UBE3D: variants seen among roughly 807,000 people sequenced by gnomAD.
The protein encoded by UBE3D is ubiquitin protein ligase E3D, also known as E3 ubiquitin-protein ligase E3D.
UBE3D carries 48 observed loss-of-function variants against 49.6 expected under a neutral mutation model. The observed-to-expected ratio is 0.97, with a 90% confidence interval of 0.77 to 1.23. The LOEUF (loss-of-function observed/expected upper bound fraction) is 1.23. UBE3D is among the 50% of genes most tolerant of loss of function. UBE3D has a pLI of 0.00. For missense variants in UBE3D, 452 were observed against 468.4 expected, an observed-to-expected ratio of 0.96 and a Z score of 0.32; for synonymous variants, 189 against 174.2, an observed-to-expected ratio of 1.08 and a Z score of -0.67.
At chr6:82,965,105 A>C (rs915672222) in intron 8 of UBE3D, among the ~76,000 whole-genome samples, 1 of 152,204 alleles carries the variant, frequency 6.6e-6, no homozygotes, top group African/African-American at 2.4e-5. Flanking sequence ...TAAGTTTGTC[A>C]AGGTAAATCT....
At chr6:83,008,505 G>A (rs1780133871) in intron 8 of UBE3D, among the ~76,000 whole-genome samples, 1 of 152,182 alleles carries the variant, frequency 6.6e-6, no homozygotes, top group Non-Finnish European at 1.5e-5. Flanking sequence ...GGCAGGAGGG[G>A]AGGATGAAAA....
At chr6:82,976,151 G>A (rs190333799) in intron 8 of UBE3D, among the ~76,000 whole-genome samples, 1 of 152,270 alleles carries the variant, frequency 6.6e-6, no homozygotes, top group Admixed American at 6.5e-5. Flanking sequence ...GAAACAAACC[G>A]GGGAATGTGG....
At chr6:83,034,639 A>AGT (rs1782114909) in intron 5 of UBE3D, among the ~76,000 whole-genome samples, 1 of 152,098 alleles carries the variant, frequency 6.6e-6, no homozygotes, top group South Asian at 2.1e-4. Flanking sequence ...GAGGTTTAAA[A>AGT]GTGTGTGGCA....
At chr6:82,902,065 C>T (rs1771777622) in intron 9 of UBE3D, among the ~76,000 whole-genome samples, 1 of 152,146 alleles carries the variant, frequency 6.6e-6, no homozygotes, top group African/African-American at 2.4e-5. Context: ...TAAATCTAGT[C>T]ACTCCACATG....
intron 1 of UBE3D, among the ~76,000 whole-genome samples, chr6:83,060,136 G>A (rs937567699): frequency 6.6e-6 from 1 of 152,130 alleles, no homozygotes; most frequent in African/African-American, 2.4e-5. Flanking sequence ...CATCACTTTG[G>A]GGGTTAGGGC....
At chr6:82,935,963 G>A (rs901285918) in intron 9 of UBE3D, among the ~76,000 whole-genome samples, 14 of 151,924 alleles carry the variant, frequency 9.2e-5, no homozygotes, top group African/African-American at 3.4e-4. Context: ...ATTAGGTAAT[G>A]AACATGAAAA....
chr6:82,976,137 G>A (rs899324807), intron 8 of UBE3D, among the ~76,000 whole-genome samples: 1 of 152,308 alleles, frequency 6.6e-6, no homozygotes, highest in East Asian at 1.9e-4. Flanking sequence ...CTTAGCACTT[G>A]GCAGAAACAA....
At chr6:83,010,529 T>C (rs956997336) in intron 8 of UBE3D, among the ~76,000 whole-genome samples, 6 of 152,232 alleles carry the variant, frequency 3.9e-5, no homozygotes, top group African/African-American at 1.4e-4. Context: ...ATATTAACCA[T>C]CAGGCAAATG....
chr6:83,056,457 T>C (rs968668192), intron 2 of UBE3D, among the ~76,000 whole-genome samples: 24 of 152,168 alleles, frequency 1.6e-4, no homozygotes, highest in African/African-American at 5.8e-4. Context: ...TGCCCATTAT[T>C]AGGTGCAATC....
chr6:83,039,228 A>G (rs1017680424), intron 4 of UBE3D, among the ~76,000 whole-genome samples: 3 of 152,350 alleles, frequency 2.0e-5, no homozygotes, highest in East Asian at 1.9e-4. Flanking sequence ...GAAGCCATAT[A>G]CAGTGGGCAG....
At chr6:82,965,286 G>A (rs1776831933) in intron 8 of UBE3D, among the ~76,000 whole-genome samples, 1 of 152,026 alleles carries the variant, frequency 6.6e-6, no homozygotes, top group Non-Finnish European at 1.5e-5. Context: ...AATTAGACTG[G>A]GAACACTTTC....
chr6:83,026,077 A>G lies in UBE3D; in HGVS notation c.668-2039T>C, dbSNP rs112022861. On this transcript the variant is annotated intron_variant, in intron 5 of 9. Transcript: ENST00000369747. ...AGGATGGGTTAAATATTCAGGCAAC[A>G]TAACTGCATGCATGTTTCAAATTTT... Among the ~76,000 whole-genome samples, 1,470 of 152,162 alleles carry G rather than the reference A, an allele frequency of 9.7e-3. 26 individuals carry two copies. Among genetic ancestry groups the G allele is most frequent in the African/African-American group, 0.034 (1,392 of 41,442 alleles).
At chr6:83,024,713 C>T (rs930719094) in intron 5 of UBE3D, among the ~76,000 whole-genome samples, 11 of 152,074 alleles carry the variant, frequency 7.2e-5, no homozygotes, top group Non-Finnish European at 1.5e-4. Context: ...AATTGGTGTT[C>T]ATTTAGAACC....
chr6:83,033,573 C>A (rs970247499), intron 5 of UBE3D, among the ~76,000 whole-genome samples: 10 of 152,024 alleles, frequency 6.6e-5, no homozygotes, highest in African/African-American at 9.7e-5. Context: ...TTACAAGATC[C>A]ACTAGTTTAA....
At chr6:82,954,117 T>C (rs1316910341) in intron 9 of UBE3D, among the ~76,000 whole-genome samples, 1 of 152,318 alleles carries the variant, frequency 6.6e-6, no homozygotes, top group Non-Finnish European at 1.5e-5. Flanking sequence ...CCCGGCCTTA[T>C]TGGCCAAGAT....
At chr6:83,034,618 T>G (rs1476556631) in intron 5 of UBE3D, among the ~76,000 whole-genome samples, 1 of 152,126 alleles carries the variant, frequency 6.6e-6, no homozygotes, top group Non-Finnish European at 1.5e-5. Context: ...GATAGAGTTA[T>G]CACAAGATCT....
chr6:82,962,024 A>T (rs549828735), intron 8 of UBE3D, among the ~76,000 whole-genome samples: 2 of 151,520 alleles, frequency 1.3e-5, no homozygotes, highest in East Asian at 3.9e-4. Context: ...GTATTACTTT[A>T]AAACTTGACT....
At position 82,921,594 on chromosome 6, in the gene UBE3D, T is replaced by C. The variant is rs562771441; in HGVS notation, c.1150-28552A>G. ...CAGATGGTGAATGAAGCAACTTGCC[T>C]GTCTCAGCCTCAGCTCAGAATGTGG... is the stretch of plus-strand genomic sequence containing the variant. On this transcript the variant is annotated intron_variant, in intron 9 of 9. Transcript: ENST00000369747. 2.3e-3 allele frequency among the ~76,000 whole-genome samples: 345 copies of C among 152,310 alleles called. 1 individual carries two copies. Among genetic ancestry groups the C allele is most frequent in the Non-Finnish European group, 4.1e-3 (279 of 68,036 alleles).
Position 83,057,993 on chromosome 6 carries a change from T to C in UBE3D, c.107A>G (p.Asn36Ser). Reference sequence around the variant, plus strand: ...GAGTGAAGATGGCATTATGGAAATATTCATGGGCATACCTCCTTCTTTCGG... The same window carrying C: ...GAGTGAAGATGGCATTATGGAAATACTCATGGGCATACCTCCTTCTTTCGG... ...GEPKEGGMPM[N>S]ISIMPSSLQM... Residue 36 changes from asparagine to serine, a missense_variant, in exon 2 of 10, where the codon AAT becomes AGT. Physicochemically the swap from Asn to Ser is conservative, Grantham distance 46. Coordinates refer to ENST00000369747, the MANE Select transcript of UBE3D (RefSeq NM_198920.3). The C allele has an allele frequency of 6.2e-7, 1 of 1,614,160 alleles. No homozygotes were observed. The highest frequency in any genetic ancestry group is 1.1e-5 in the South Asian group (1 of 91,088).
Sources: allele counts gnomAD v4.1 joint callset (sites outside exome capture counted in the v4.1 genomes callset), GRCh38; gene constraint gnomAD v4.1.1; transcripts MANE v1.5; gene names NCBI Gene and HGNC (gene_info 2026-07-23, HGNC 2026-07-21).